Variants in TMED8 observed in about 807,000 individuals in gnomAD.
The protein encoded by TMED8 is transmembrane p24 trafficking protein family member 8, also known as protein TMED8.
In TMED8, 15 loss-of-function variants were observed where a neutral mutation model predicts 32.7. That is an observed-to-expected ratio of 0.46 (90% confidence interval 0.31 to 0.71). The LOEUF is 0.71. Among genes scored for constraint, TMED8 ranks in the 30% least tolerant of loss-of-function variants. The pLI, the probability that TMED8 is intolerant of heterozygous loss-of-function variation, is 0.06. For synonymous variants in TMED8, 147 were observed against 161.4 expected (o/e 0.91, Z 0.68); for missense variants, 390 against 423.9 (o/e 0.92, Z 0.70).
At chr14:77,370,975 A>G (rs1893666231) in intron 1 of TMED8, among the ~76,000 whole-genome samples, 2 of 151,910 alleles carry the variant, frequency 1.3e-5, no homozygotes, top group Admixed American at 6.6e-5. Context: ...CGGGGGGAGC[A>G]TGCTGGACAT....
intron 3 of TMED8, among the ~76,000 whole-genome samples, chr14:77,345,019 C>T (rs1231219632): frequency 1.3e-5 from 2 of 152,144 alleles, no homozygotes; most frequent in African/African-American, 4.8e-5. Context: ...CAGAGTTTTG[C>T]TCTTGTTGCC....
At chr14:77,370,386 G>A (rs550679582) in intron 1 of TMED8, among the ~76,000 whole-genome samples, 1 of 152,032 alleles carries the variant, frequency 6.6e-6, no homozygotes, top group Non-Finnish European at 1.5e-5. Context: ...TCTCTAAGGA[G>A]ACTTATAACC....
At chr14:77,361,418 C>T (rs200937407) in intron 1 of TMED8, among the ~76,000 whole-genome samples, 1 of 152,276 alleles carries the variant, frequency 6.6e-6, no homozygotes, top group East Asian at 1.9e-4. Context: ...TGTTTCTAGG[C>T]TCTCAATTCT....
chr14:77,369,130 T>C (rs1308644367), intron 1 of TMED8, among the ~76,000 whole-genome samples: 5 of 152,194 alleles, frequency 3.3e-5, no homozygotes, highest in African/African-American at 1.2e-4. Flanking sequence ...GAATATTCAA[T>C]TGTCCCAGAA....
chr14:77,346,291 T>C, intron 3 of TMED8, 58 bp downstream of exon 3: 13 of 1,586,070 alleles, frequency 8.2e-6, no homozygotes, highest in Non-Finnish European at 1.1e-5. Context: ...ACCCAACCAC[T>C]ATGTGTCCAC....
intron 1 of TMED8, 92 bp from the exon 2 acceptor site, chr14:77,351,843 C>G: frequency 1.0e-6 from 1 of 1,000,908 alleles, no homozygotes; most frequent in South Asian, 1.8e-5. Flanking sequence ...CAATTTCAAC[C>G]AAATTCTTCC....
rs983529582 is a variant in TMED8 at position 77,351,670 on chromosome 14, T to A, written c.197+3A>T. On this transcript the variant is annotated splice_donor_region_variant and intron_variant, in intron 2 of 5. Coordinates refer to ENST00000216468, the MANE Select transcript of TMED8 (RefSeq NM_213601.3). ...GTGAAAGCATTCTATCCAAAGTGGT[T>A]ACCTGTGGGGTGAGGAGCAGGGTTC... 1.9e-6 allele frequency: 3 copies of A among 1,611,902 alleles called. No homozygotes were observed. In the African/African-American group the frequency reaches 4.0e-5, roughly 22 times the overall value.
intron 1 of TMED8, among the ~76,000 whole-genome samples, chr14:77,375,943 C>T (rs1002319393): frequency 2.0e-5 from 3 of 152,232 alleles, no homozygotes; most frequent in South Asian, 2.1e-4. Flanking sequence ...AGGAAACTGA[C>T]GTTTCAGACT....
chr14:77,370,856 G>C (rs991492839), intron 1 of TMED8, among the ~76,000 whole-genome samples: 3 of 151,976 alleles, frequency 2.0e-5, no homozygotes, highest in African/African-American at 7.3e-5. Flanking sequence ...GGCTGATGCA[G>C]GAGAATCGCT....
At chr14:77,370,936 G>A (rs767025364) in intron 1 of TMED8, among the ~76,000 whole-genome samples, 2 of 151,640 alleles carry the variant, frequency 1.3e-5, no homozygotes, top group African/African-American at 2.4e-5. Flanking sequence ...GCAACAGTGC[G>A]AGACTCTGTC....
At chr14:77,361,120 C>A (rs1478909391) in intron 1 of TMED8, among the ~76,000 whole-genome samples, 3 of 151,986 alleles carry the variant, frequency 2.0e-5, no homozygotes, top group Non-Finnish European at 4.4e-5. Flanking sequence ...GCTGGGATTA[C>A]AGGTGCATGC....
chr14:77,358,902 T>TTG (rs1028237017), intron 1 of TMED8, among the ~76,000 whole-genome samples: 1 of 152,048 alleles, frequency 6.6e-6, no homozygotes, highest in Non-Finnish European at 1.5e-5. Context: ...TTTTTTTTGT[T>TTG]TGTTTGTTTG....
At chr14:77,358,178 A>G (rs1449294075) in intron 1 of TMED8, among the ~76,000 whole-genome samples, 2 of 102,606 alleles carry the variant, frequency 1.9e-5, no homozygotes, top group African/African-American at 6.6e-5. Context: ...TCAATGTAAT[A>G]TATCACACAC....
intron 1 of TMED8, among the ~76,000 whole-genome samples, chr14:77,369,903 G>GGCTCAT (rs1893637922): frequency 6.6e-6 from 1 of 152,128 alleles, no homozygotes; most frequent in Non-Finnish European, 1.5e-5. Context: ...CAGGCACGGT[G>GGCTCAT]GCTCATGCCT....
intron 1 of TMED8, among the ~76,000 whole-genome samples, chr14:77,364,251 A>G (rs1282434196): frequency 2.6e-5 from 4 of 151,206 alleles, no homozygotes; most frequent in Admixed American, 2.6e-4. Context: ...CCCAGGCTGG[A>G]GTGTAGTGTT....
chr14:77,342,395 A>G (rs1892924220), intron 5 of TMED8, among the ~76,000 whole-genome samples: 2 of 152,118 alleles, frequency 1.3e-5, no homozygotes, highest in Non-Finnish European at 2.9e-5. Context: ...GCTAACGAAG[A>G]TAGGAATTGC....
chr14:77,376,435 G>A lies in TMED8; in HGVS notation c.118+501C>T, dbSNP rs1317894720. On this transcript the variant is annotated intron_variant, in intron 1 of 5. Transcript: ENST00000216468. The surrounding 1 kb of genome is among the most constrained non-coding windows in gnomAD (Gnocchi z 4.0). ...GGCCTATGTGCAGGAAGGCTAGGGC[G>A]CAGTGGGCTTCTGGCAGAGGAAGGC... Among the ~76,000 whole-genome samples, 1 of 152,254 alleles carries A rather than the reference G, an allele frequency of 6.6e-6. No homozygotes were observed. Among genetic ancestry groups the A allele is most frequent in the Non-Finnish European group, 1.5e-5 (1 of 68,046 alleles).
chr14:77,374,339 C>G (rs1893765998), intron 1 of TMED8, among the ~76,000 whole-genome samples: 1 of 152,228 alleles, frequency 6.6e-6, no homozygotes, highest in African/African-American at 2.4e-5. Context: ...GGAAGCCCAG[C>G]TTAACTCTAA....
At chr14:77,354,982 T>C (rs1893259649) in intron 1 of TMED8, among the ~76,000 whole-genome samples, 1 of 151,858 alleles carries the variant, frequency 6.6e-6, no homozygotes, top group Admixed American at 6.6e-5. Flanking sequence ...AAGAGGTTTC[T>C]TTATGTTGCC....
Sources: gnomAD v4.1 joint callset for allele counts (sites outside exome capture counted in the v4.1 genomes callset) on GRCh38, gnomAD v4.1.1 for gene constraint, Gnocchi (gnomAD v3.1) non-coding constraint, MANE v1.5 for transcripts, NCBI Gene and HGNC (gene_info 2026-07-23, HGNC 2026-07-21) for gene names.